NRXN1: variants seen among roughly 807,000 people sequenced by gnomAD.
NRXN1 encodes the protein neurexin-1.
In NRXN1, 39 loss-of-function variants were observed where a neutral mutation model predicts 150.9. That is an observed-to-expected ratio of 0.26 (90% confidence interval 0.20 to 0.34). NRXN1 has a LOEUF of 0.34. Among genes scored for constraint, NRXN1 ranks in the 10% least tolerant of loss-of-function variants. The probability of loss-of-function intolerance (pLI) is 1.00; values close to 1 mark genes in which losing one functional copy is unlikely to be tolerated. For synonymous variants in NRXN1, 924 were observed against 757.0 expected, an observed-to-expected ratio of 1.22 and a Z score of -3.62; for missense variants, 1,815 against 1,949.9, an observed-to-expected ratio of 0.93 and a Z score of 1.30.
At position 50,347,319 on chromosome 2, in the gene NRXN1, C is replaced by A; in HGVS notation, c.3365-110349G>T. ...GAGTGCGTGCCGGCGGGTGGGGGGC[C>A]GAGAAATTGTTTAAAGCTCCTCCTG... On this transcript the variant is annotated intron_variant, in intron 17 of 22. Coordinates refer to ENST00000401669, the MANE Select transcript of NRXN1 (RefSeq NM_001330078.2). This position sits in a 1 kb window ranked among gnomAD's most constrained non-coding sequence, Gnocchi z 4.9. The A allele has an allele frequency of 8.0e-7, 1 of 1,255,172 alleles. No individual in the cohort carries two copies. The highest frequency in any genetic ancestry group is 1.0e-6 in the Non-Finnish European group (1 of 973,818). 77.8% of individuals were successfully genotyped at this position (1,255,172 alleles called of 1,614,324 possible).
chr2:50,900,883 G>T (rs1341320904), intron 5 of NRXN1, among the ~76,000 whole-genome samples: 1 of 152,030 alleles, frequency 6.6e-6, no homozygotes, highest in African/African-American at 2.4e-5. Context: ...GGAAGAGATG[G>T]TTCTCCTAAG....
intron 9 of NRXN1, among the ~76,000 whole-genome samples, chr2:50,549,052 A>G (rs1372157640): frequency 1.3e-5 from 2 of 152,176 alleles, no homozygotes; most frequent in South Asian, 2.1e-4. Context: ...TCCACATTAT[A>G]TGAAAAATAA....
chr2:50,776,774 C>A (rs1703703593), intron 5 of NRXN1, among the ~76,000 whole-genome samples: 1 of 151,754 alleles, frequency 6.6e-6, no homozygotes, highest in Non-Finnish European at 1.5e-5. Context: ...ACCCACAAAT[C>A]CCCCAGGCTA....
intron 21 of NRXN1, among the ~76,000 whole-genome samples, chr2:49,977,257 C>T (rs1032788086): frequency 4.6e-5 from 7 of 152,024 alleles, no homozygotes; most frequent in Non-Finnish European, 1.0e-4. Flanking sequence ...TCAGTGGTTT[C>T]GGATGGTGAT....
At chr2:50,341,451 T>C (rs2077543904) in intron 17 of NRXN1, among the ~76,000 whole-genome samples, 1 of 152,146 alleles carries the variant, frequency 6.6e-6, no homozygotes, top group African/African-American at 2.4e-5. Context: ...CTTTTCAAAT[T>C]CATGGTCTCA....
chr2:50,297,196 T>A (rs2073690285), intron 17 of NRXN1, among the ~76,000 whole-genome samples: 1 of 152,166 alleles, frequency 6.6e-6, no homozygotes, highest in South Asian at 2.1e-4. Context: ...GCTGGTTTGA[T>A]TCTTTTTAAT....
chr2:50,588,256 T>C (rs1372977356), intron 8 of NRXN1, among the ~76,000 whole-genome samples: 1 of 152,202 alleles, frequency 6.6e-6, no homozygotes, highest in Non-Finnish European at 1.5e-5. Flanking sequence ...TTTAACATGC[T>C]CCTGATGGCT....
At chr2:51,023,348 C>T (rs1055559204) in intron 2 of NRXN1, among the ~76,000 whole-genome samples, 6 of 152,198 alleles carry the variant, frequency 3.9e-5, no homozygotes, top group African/African-American at 1.2e-4. Context: ...GAAGGTTGTG[C>T]ACTGCCTGAC....
At chr2:50,632,696 T>C (rs1682553841) in intron 5 of NRXN1, 1 of 152,074 alleles carries the variant, frequency 6.6e-6, no homozygotes, top group African/African-American at 2.4e-5. Flanking sequence ...GTGTCTCTTG[T>C]ATCTGAAATA....
At chr2:50,825,576 C>T (rs940811993) in intron 5 of NRXN1, among the ~76,000 whole-genome samples, 17 of 152,208 alleles carry the variant, frequency 1.1e-4, no homozygotes, top group African/African-American at 3.6e-4. Flanking sequence ...GAGAGTATGG[C>T]AGCTCTGTGC....
chr2:50,996,763 CCACTCTAA>C (rs1479616242), intron 2 of NRXN1, among the ~76,000 whole-genome samples: 11 of 151,990 alleles, frequency 7.2e-5, no homozygotes, highest in Non-Finnish European at 1.5e-4. Context: ...CAGTCAACAG[CCACTCTAA>C]CCTCCTTCTA....
intron 17 of NRXN1, among the ~76,000 whole-genome samples, chr2:50,356,376 CT>C (rs1273360979): frequency 6.6e-6 from 1 of 152,134 alleles, no homozygotes; most frequent in African/African-American, 2.4e-5. Flanking sequence ...GAAGTATATG[CT>C]CCAAAACATT....
At chr2:50,071,022 G>A (rs1475017870) in intron 19 of NRXN1, among the ~76,000 whole-genome samples, 3 of 152,144 alleles carry the variant, frequency 2.0e-5, no homozygotes, top group Non-Finnish European at 4.4e-5. Context: ...AAACTACAAA[G>A]ATATCCTATC....
At chr2:50,056,645 T>C (rs565774898) in intron 19 of NRXN1, among the ~76,000 whole-genome samples, 51 of 152,252 alleles carry the variant, frequency 3.3e-4, no homozygotes, top group African/African-American at 1.2e-3. Flanking sequence ...AAAATTTGTG[T>C]TCTCTGTTGT....
chr2:50,282,630 A>G (rs2071611228), intron 17 of NRXN1, among the ~76,000 whole-genome samples: 1 of 152,164 alleles, frequency 6.6e-6, no homozygotes, highest in South Asian at 2.1e-4. Context: ...TAAGTTTGAC[A>G]TAAATGGTAT....
intron 8 of NRXN1, among the ~76,000 whole-genome samples, chr2:50,557,426 T>C (rs532114146): frequency 3.2e-4 from 49 of 152,316 alleles, no homozygotes; most frequent in African/African-American, 1.2e-3. Flanking sequence ...GAATGACTCA[T>C]ATTTTAATCT....
At chr2:50,571,940 G>T (rs948547498) in intron 8 of NRXN1, among the ~76,000 whole-genome samples, 3 of 152,168 alleles carry the variant, frequency 2.0e-5, no homozygotes, top group Admixed American at 1.3e-4. Flanking sequence ...CATTCATGGG[G>T]AACTCTGAAA....
chr2:50,157,809 A>G (rs1432440926), intron 18 of NRXN1, among the ~76,000 whole-genome samples: 3 of 151,950 alleles, frequency 2.0e-5, no homozygotes, highest in African/African-American at 7.2e-5. Context: ...TCCAAGGAAA[A>G]CACTCTATTG....
chr2:50,425,915 G>A (rs1488141475), intron 17 of NRXN1, among the ~76,000 whole-genome samples: 1 of 152,134 alleles, frequency 6.6e-6, no homozygotes, highest in Non-Finnish European at 1.5e-5. Context: ...GAAAATACAG[G>A]CTACTAAAGA....
Sources: allele counts gnomAD v4.1 joint callset (sites outside exome capture counted in the v4.1 genomes callset), GRCh38; gene constraint gnomAD v4.1.1; non-coding constraint Gnocchi (gnomAD v3.1); transcripts MANE v1.5; gene names NCBI Gene and HGNC (gene_info 2026-07-23, HGNC 2026-07-21).